The following TGFBR3 variants were observed in gnomAD, a reference collection of about 807,000 sequenced individuals.
The protein encoded by TGFBR3 is transforming growth factor beta receptor 3.
Under a neutral mutation model 87.9 loss-of-function variants are expected in TGFBR3, and 46 were observed. The observed-to-expected ratio is 0.52, with a 90% CI of 0.41 to 0.67. The LOEUF (loss-of-function observed/expected upper bound fraction) is 0.67. Ranked by LOEUF, TGFBR3 falls within the 30% of genes least tolerant of loss-of-function variation. TGFBR3 has a pLI of 0.00. For synonymous variants in TGFBR3, 381 were observed against 391.6 expected (o/e 0.97, Z 0.32); for missense variants, 866 against 1,041.9 (o/e 0.83, Z 2.32).
intron 7 of TGFBR3, among the ~76,000 whole-genome samples, chr1:91,726,088 C>A (rs966666234): frequency 6.6e-6 from 1 of 152,136 alleles, no homozygotes; most frequent in African/African-American, 2.4e-5. Flanking sequence ...AGGAGAGGAA[C>A]ATAAACAGAT....
chr1:91,856,818 T>C (rs1219591141), intron 2 of TGFBR3, among the ~76,000 whole-genome samples: 1 of 152,224 alleles, frequency 6.6e-6, no homozygotes, highest in Non-Finnish European at 1.5e-5. Context: ...TCACCTGGTA[T>C]TTAATCAATC....
rs57326419 is a variant in TGFBR3, at chr1:91,835,827, CA to C, written c.61+25643del. On this transcript the variant is annotated intron_variant, in intron 2 of 16. Transcript: ENST00000212355. Reference sequence around the variant, plus strand: ...TGGGTGACAGAGCGAGACTCCACCTCAAAAAAAAAAAAAAAAAAAAAAAAAA... The same window carrying C: ...TGGGTGACAGAGCGAGACTCCACCTCAAAAAAAAAAAAAAAAAAAAAAAAA... Among the ~76,000 whole-genome samples, 468 of 74,580 alleles carry C rather than the reference CA, an allele frequency of 6.3e-3. 1 individual carries two copies. The highest frequency in any genetic ancestry group is 0.012 in the African/African-American group (295 of 23,994). 48.9% of individuals were successfully genotyped at this position (74,580 alleles called of 152,430 possible). A position where few individuals can be genotyped will look rare whatever the true frequency, so the allele number is the denominator to read the frequency against.
At chr1:91,850,712 T>C (rs970111266) in intron 2 of TGFBR3, among the ~76,000 whole-genome samples, 4 of 148,998 alleles carry the variant, frequency 2.7e-5, no homozygotes, top group African/African-American at 7.5e-5. Flanking sequence ...GCCTGGGAGG[T>C]TGAGGCTGCA....
At position 91,683,161 on chromosome 1, in the gene TGFBR3, A is replaced by G. The variant is rs1670967621; in HGVS notation, c.*578T>C. 1 of 454,538 alleles carries G rather than the reference A, an allele frequency of 2.2e-6. No individual in the cohort carries two copies. Among genetic ancestry groups the G allele is most frequent in the Non-Finnish European group, 4.4e-6 (1 of 226,804 alleles). 28.2% of individuals were successfully genotyped at this position (454,538 alleles called of 1,614,324 possible). On this transcript the variant is annotated 3_prime_UTR_variant, in exon 17 of 17. Transcript: ENST00000212355. ...TCAGGGTGCAGTCCCTGAGGGCAGC[A>G]CCCATCAAGGGACACATCAGACCCC...
chr1:91,754,496 C>CTT (rs1491127131), intron 4 of TGFBR3, among the ~76,000 whole-genome samples: 4 of 152,182 alleles, frequency 2.6e-5, no homozygotes, highest in Non-Finnish European at 5.9e-5. Context: ...CTACTTGAAA[C>CTT]TCAGCCTGAA....
At chr1:91,746,226 GAAC>G (rs1163718230) in intron 4 of TGFBR3, among the ~76,000 whole-genome samples, 3 of 152,242 alleles carry the variant, frequency 2.0e-5, no homozygotes, top group Admixed American at 6.5e-5. Flanking sequence ...AACGTTATCA[GAAC>G]AACAGTACAT....
intron 3 of TGFBR3, among the ~76,000 whole-genome samples, chr1:91,764,652 C>G (rs2100913915): frequency 6.6e-6 from 1 of 152,278 alleles, no homozygotes; most frequent in Admixed American, 6.5e-5. Context: ...TGCTAGTGCC[C>G]TCAGCAGGCC....
chr1:91,682,230 T>C lies in TGFBR3; in HGVS notation c.*1509A>G, dbSNP rs1571401222. ...CCATTCACAGACAACCAGGCATAAC[T>C]TCCTTATTTTAAGGGCAGTGGGATT... On this transcript the variant is annotated 3_prime_UTR_variant, in exon 17 of 17. Coordinates refer to ENST00000212355, the MANE Select transcript of TGFBR3 (RefSeq NM_003243.5). 1 of 453,920 alleles carries C rather than the reference T, an allele frequency of 2.2e-6. No homozygotes were observed. Among genetic ancestry groups the C allele is most frequent in the African/African-American group, 2.0e-5 (1 of 49,984 alleles). The allele number at this position is 453,920 out of a possible 1,614,324, so 28.1% of individuals were successfully genotyped here.
At chr1:91,752,057 A>G (rs1017601011) in intron 4 of TGFBR3, among the ~76,000 whole-genome samples, 1 of 152,180 alleles carries the variant, frequency 6.6e-6, no homozygotes, top group Non-Finnish European at 1.5e-5. Context: ...GATGATGTAT[A>G]TAACTAGTTA....
intron 4 of TGFBR3, among the ~76,000 whole-genome samples, chr1:91,753,305 G>A (rs1286730952): frequency 4.9e-5 from 7 of 144,166 alleles, no homozygotes; most frequent in Admixed American, 3.6e-4. Context: ...CAGGAGGATC[G>A]CTTGAGCCCA....
intron 2 of TGFBR3, among the ~76,000 whole-genome samples, chr1:91,840,954 G>A (rs1457758507): frequency 6.6e-6 from 1 of 152,068 alleles, no homozygotes; most frequent in Non-Finnish European, 1.5e-5. Context: ...GAGACTACAG[G>A]TGCATGCCAC....
chr1:91,769,446 C>T (rs1674298692), intron 3 of TGFBR3, among the ~76,000 whole-genome samples: 1 of 152,068 alleles, frequency 6.6e-6, no homozygotes, highest in South Asian at 2.1e-4. Flanking sequence ...GCCCTGTTAA[C>T]CTTCCCCTTT....
chr1:91,829,305 G>A (rs12133180), intron 2 of TGFBR3, among the ~76,000 whole-genome samples: 1 of 151,652 alleles, frequency 6.6e-6, no homozygotes, highest in Non-Finnish European at 1.5e-5. Context: ...GAACCCAGGA[G>A]GCAGAGGTTG....
chr1:91,705,481 G>C (rs562654030), intron 14 of TGFBR3, among the ~76,000 whole-genome samples: 1 of 151,792 alleles, frequency 6.6e-6, no homozygotes, highest in East Asian at 1.9e-4. Flanking sequence ...CACTCGCCTC[G>C]GCCTCCCAAA....
At chr1:91,706,149 AT>A (rs1671792541) in intron 14 of TGFBR3, among the ~76,000 whole-genome samples, 2 of 152,202 alleles carry the variant, frequency 1.3e-5, no homozygotes, top group South Asian at 4.1e-4. Context: ...AGCTGCTCTT[AT>A]TGTTAAATTA....
At chr1:91,798,558 T>C (rs554522065) in intron 2 of TGFBR3, among the ~76,000 whole-genome samples, 1 of 152,164 alleles carries the variant, frequency 6.6e-6, no homozygotes, top group South Asian at 2.1e-4. Context: ...AACAAACATC[T>C]CAAGCTGAGG....
chr1:91,759,099 T>C (rs1673857166), intron 3 of TGFBR3, among the ~76,000 whole-genome samples: 1 of 152,186 alleles, frequency 6.6e-6, no homozygotes, highest in Non-Finnish European at 1.5e-5. Context: ...CTTTAAGCTT[T>C]AGGTCAAATG....
intron 2 of TGFBR3, among the ~76,000 whole-genome samples, chr1:91,839,860 G>A (rs150444849): frequency 1.6e-3 from 246 of 152,286 alleles, no homozygotes; most frequent in African/African-American, 5.8e-3. Flanking sequence ...TAATAATATT[G>A]TAACAAGATT....
At chr1:91,825,070 T>C (rs184100411) in intron 2 of TGFBR3, among the ~76,000 whole-genome samples, 1 of 152,348 alleles carries the variant, frequency 6.6e-6, no homozygotes, top group Non-Finnish European at 1.5e-5. Flanking sequence ...CTCAGACACA[T>C]ATAAATACAA....
Sources: gnomAD v4.1 joint callset for allele counts (sites outside exome capture counted in the v4.1 genomes callset) on GRCh38, gnomAD v4.1.1 for gene constraint, MANE v1.5 for transcripts, NCBI Gene and HGNC (gene_info 2026-07-23, HGNC 2026-07-21) for gene names.